Variants in RELN observed in about 807,000 individuals in gnomAD.
The protein encoded by RELN is reelin.
In RELN, 108 loss-of-function variants were observed where a neutral mutation model predicts 427.6. That is an observed-to-expected ratio of 0.25 (90% CI 0.22 to 0.30). The LOEUF (loss-of-function observed/expected upper bound fraction) is 0.30, where lower values mean the gene tolerates loss of function less well. Ranked by LOEUF, RELN falls within the 10% of genes least tolerant of loss-of-function variation. RELN has a pLI of 1.00. For missense variants in RELN, 3,715 were observed against 4,302.8 expected (o/e 0.86, Z 3.82); for synonymous variants, 1,524 against 1,513.4 (o/e 1.01, Z -0.16).
chr7:103,885,126 T>C (rs575518843), intron 2 of RELN, among the ~76,000 whole-genome samples: 2 of 151,976 alleles, frequency 1.3e-5, no homozygotes, highest in East Asian at 3.9e-4. Context: ...GATTATGAGG[T>C]CAGGAGATCA....
intron 48 of RELN, 47 bp downstream of exon 48, chr7:103,521,975 G>A: frequency 6.3e-7 from 1 of 1,590,122 alleles, no homozygotes; most frequent in Non-Finnish European, 8.6e-7. Flanking sequence ...CTATTTGGAA[G>A]GAACTTAAGA....
rs1440356656 is a variant in RELN, at chr7:103,553,701, A to C, written c.5928T>G (p.Gly1976=). The change falls in exon 39 of 65, where the codon GGT becomes GGG. Residue 1976 remains glycine (G), a synonymous_variant. Transcript: ENST00000428762. The stretch of plus-strand genomic sequence containing the variant: ...AATATGGACAATAAAGACCGATGTT[A>C]CCACCAGGATAGAAAAACCAATTGT... The part of the protein sequence containing the change: ...REDNWFFYPG[G]NIGLYCPYSS... 1 of 1,614,168 alleles carries C rather than the reference A, an allele frequency of 6.2e-7. No individual in the cohort carries two copies. Among genetic ancestry groups the C allele is most frequent in the Non-Finnish European group, 8.5e-7 (1 of 1,180,008 alleles).
chr7:103,569,329 C>A lies in RELN; in HGVS notation c.4589-2570G>T, dbSNP rs150385851. Among the ~76,000 whole-genome samples, 6 of 152,312 alleles carry A rather than the reference C, an allele frequency of 3.9e-5. No homozygotes were observed. Among genetic ancestry groups the A allele is most frequent in the Non-Finnish European group, 8.8e-5 (6 of 68,026 alleles). ...CCCTGGCTAAGTCTTCCAGTGACTG[C>A]ACCCCTCCTGGCTTTTGTCCTGACT... On this transcript the variant is annotated intron_variant, in intron 31 of 64. Transcript: ENST00000428762. This position sits in a 1 kb window ranked among gnomAD's most constrained non-coding sequence, Gnocchi z 4.0.
In RELN at chr7:103,677,720, A is replaced by G. The variant is rs942101005; in HGVS notation, c.1289+4396T>C. ...GGCGGAGGTTGCAGTAAGCTGATAT[A>G]GCACCACTGCACTCCAGCCTGGGCG... On this transcript the variant is annotated intron_variant, in intron 11 of 64. Transcript: ENST00000428762. Among the ~76,000 whole-genome samples the G allele has an allele frequency of 5.6e-4, 78 of 140,434 alleles. 1 individual carries two copies. The highest frequency in any genetic ancestry group is 2.1e-3 in the African/African-American group (78 of 38,000). 92.1% of individuals were successfully genotyped at this position (140,434 alleles called of 152,430 possible).
intron 1 of RELN, among the ~76,000 whole-genome samples, chr7:103,981,126 C>T (rs926796539): frequency 1.3e-5 from 2 of 152,130 alleles, no homozygotes; most frequent in African/African-American, 4.8e-5. Flanking sequence ...TGGATATAGT[C>T]CTAGAGGCTG....
chr7:103,672,786 T>C (rs1833422459), intron 11 of RELN, among the ~76,000 whole-genome samples: 2 of 152,152 alleles, frequency 1.3e-5, no homozygotes. Flanking sequence ...TTTGGCCATA[T>C]CATATTACTG....
Position 103,620,756 on chromosome 7 carries a change from G to A in RELN, c.2703-8953C>T, listed in dbSNP as rs1832200384. On this transcript the variant is annotated intron_variant, in intron 20 of 64. Coordinates refer to ENST00000428762, the MANE Select transcript of RELN (RefSeq NM_005045.4). The surrounding 1 kb of genome is among the most constrained non-coding windows in gnomAD (Gnocchi z 4.1). ...CCCAAAGTGCTGGGATTACAGGTGT[G>A]AGCCACCGCGCCTGGCCTAACCTGA... Among the ~76,000 whole-genome samples, 2 of 152,142 alleles carry A rather than the reference G, an allele frequency of 1.3e-5. No homozygotes were observed. The highest frequency in any genetic ancestry group is 2.1e-4 in the South Asian group (1 of 4,816).
intron 2 of RELN, among the ~76,000 whole-genome samples, chr7:103,849,476 G>A (rs980535098): frequency 6.6e-6 from 1 of 152,080 alleles, no homozygotes; most frequent in Admixed American, 6.6e-5. Context: ...ATGCAAATAT[G>A]ATTTTCTCAT....
At chr7:103,493,628 TA>T (rs1244834119) in intron 57 of RELN, among the ~76,000 whole-genome samples, 1 of 152,048 alleles carries the variant, frequency 6.6e-6, no homozygotes, top group Non-Finnish European at 1.5e-5. Context: ...AGAAAGTTGA[TA>T]CATACTGAGA....
intron 10 of RELN, among the ~76,000 whole-genome samples, chr7:103,692,968 T>C (rs1269069690): frequency 6.6e-6 from 1 of 151,978 alleles, no homozygotes; most frequent in Non-Finnish European, 1.5e-5. Context: ...AAACCACACC[T>C]AAAGGAATGT....
rs1460657355 is a variant in RELN at position 103,472,317 on chromosome 7, C to A, written c.*495G>T. The A allele has an allele frequency of 1.2e-5, 2 of 165,942 alleles. No homozygotes were observed. The highest frequency in any genetic ancestry group is 1.7e-4 in the East Asian group (1 of 5,988). The allele number at this position is 165,942 out of a possible 1,614,324, so 10.3% of individuals were successfully genotyped here. A position where few individuals can be genotyped will look rare whatever the true frequency, so the allele number is the denominator to read the frequency against. On this transcript the variant is annotated 3_prime_UTR_variant, in exon 65 of 65. Transcript: ENST00000428762. Reference sequence around the variant, plus strand: ...CAAATTCAGCAGCAAAATATTACAACATAACAAGTAAATACAGTTTCAATG... The same window carrying A: ...CAAATTCAGCAGCAAAATATTACAAAATAACAAGTAAATACAGTTTCAATG...
intron 11 of RELN, among the ~76,000 whole-genome samples, chr7:103,675,152 C>G (rs188546251): frequency 1.8e-4 from 27 of 152,276 alleles, no homozygotes; most frequent in Non-Finnish European, 3.7e-4. Context: ...TGTCTCAGCC[C>G]AAAATCTCCT....
intron 2 of RELN, among the ~76,000 whole-genome samples, chr7:103,893,229 G>A: frequency 6.6e-6 from 1 of 152,150 alleles, no homozygotes; most frequent in East Asian, 1.9e-4. Context: ...TGTACAGGAT[G>A]CAGAACTCTC....
At chr7:103,584,322 A>G (rs887973125) in intron 28 of RELN, among the ~76,000 whole-genome samples, 23 of 152,244 alleles carry the variant, frequency 1.5e-4, no homozygotes, top group African/African-American at 4.3e-4. Context: ...CAATAGACCC[A>G]CTTAATGGGT....
intron 1 of RELN, among the ~76,000 whole-genome samples, chr7:103,933,954 G>C (rs1795921991): frequency 6.6e-6 from 1 of 152,192 alleles, no homozygotes; most frequent in Non-Finnish European, 1.5e-5. Flanking sequence ...CACACGAAGG[G>C]TTCTGTGGCA....
In RELN at chr7:103,945,408, A is replaced by G. The variant is rs189451134; in HGVS notation, c.227-28223T>C. Among the ~76,000 whole-genome samples, 432 of 152,280 alleles carry G rather than the reference A, an allele frequency of 2.8e-3. 3 individuals are homozygous for G. The highest frequency in any genetic ancestry group is 9.1e-3 in the African/African-American group (378 of 41,554). On this transcript the variant is annotated intron_variant, in intron 1 of 64. Transcript: ENST00000428762. ...CTGATCCTAATCTGTTAAGAAAACCAGTTCTCAACTGTAGTATTATTTTGG... is the reference window on the plus strand; with the variant it reads ...CTGATCCTAATCTGTTAAGAAAACCGGTTCTCAACTGTAGTATTATTTTGG...
At chr7:103,591,731 C>G (rs1831421137) in intron 27 of RELN, among the ~76,000 whole-genome samples, 1 of 152,084 alleles carries the variant, frequency 6.6e-6, no homozygotes, top group Non-Finnish European at 1.5e-5. Context: ...CTAACACAGA[C>G]AAGTGGTTGG....
At chr7:103,947,410 T>A (rs1303775541) in intron 1 of RELN, among the ~76,000 whole-genome samples, 1 of 152,178 alleles carries the variant, frequency 6.6e-6, no homozygotes, top group Non-Finnish European at 1.5e-5. Flanking sequence ...CCTAATTCAA[T>A]AAGACTGATA....
intron 20 of RELN, among the ~76,000 whole-genome samples, chr7:103,616,656 G>A (rs1013131255): frequency 6.6e-6 from 1 of 151,900 alleles, no homozygotes; most frequent in Non-Finnish European, 1.5e-5. Context: ...TTTCTCATGT[G>A]TACACACACA....
Sources: gnomAD v4.1 joint callset for allele counts (sites outside exome capture counted in the v4.1 genomes callset) on GRCh38, gnomAD v4.1.1 for gene constraint, Gnocchi (gnomAD v3.1) non-coding constraint, MANE v1.5 for transcripts, NCBI Gene and HGNC (gene_info 2026-07-23, HGNC 2026-07-21) for gene names.